Variants in ABCC4 observed in about 807,000 individuals in gnomAD.
The protein encoded by ABCC4 is ATP binding cassette subfamily C member 4 (PEL blood group).
In ABCC4, 102 loss-of-function variants were observed where a neutral mutation model predicts 168.5. That is an observed-to-expected ratio of 0.61 (90% CI 0.52 to 0.71). The LOEUF is 0.71. Ranked by LOEUF, ABCC4 falls within the 30% of genes least tolerant of loss-of-function variation. The probability of loss-of-function intolerance (pLI) is 0.00; values close to 1 mark genes in which losing one functional copy is unlikely to be tolerated. For synonymous variants in ABCC4, 617 were observed against 590.7 expected, an observed-to-expected ratio of 1.04 and a Z score of -0.65; for missense variants, 1,402 against 1,605.8, an observed-to-expected ratio of 0.87 and a Z score of 2.17.
chr13:95,076,652 A>T (rs191228382), intron 21 of ABCC4, among the ~76,000 whole-genome samples: 2 of 151,718 alleles, frequency 1.3e-5, no homozygotes, highest in African/African-American at 2.4e-5. Context: ...TTTAGTAGAG[A>T]CATGGTTTTG....
chr13:95,136,566 GTTATACTC>G (rs1436979955), intron 19 of ABCC4, among the ~76,000 whole-genome samples: 1 of 152,202 alleles, frequency 6.6e-6, no homozygotes, highest in Non-Finnish European at 1.5e-5. Flanking sequence ...AGGAGCCTAA[GTTATACTC>G]TTAAAGTTAC....
chr13:95,261,822 G>A (rs1411792105), intron 1 of ABCC4, among the ~76,000 whole-genome samples: 2 of 152,068 alleles, frequency 1.3e-5, no homozygotes, highest in African/African-American at 2.4e-5. Context: ...TTCAAGCCAG[G>A]CATGGTGGCT....
chr13:95,290,997 C>CAAAAAAAAAAAAAA lies in ABCC4; in HGVS notation c.74+10243_74+10244insTTTTTTTTTTTTTT, dbSNP rs762030761. Among the ~76,000 whole-genome samples, 268 of 36,306 alleles carry CAAAAAAAAAAAAAA rather than the reference C, an allele frequency of 7.4e-3. 16 individuals are homozygous for CAAAAAAAAAAAAAA. Among genetic ancestry groups the CAAAAAAAAAAAAAA allele is most frequent in the East Asian group, 0.035 (39 of 1,126 alleles). 23.8% of individuals were successfully genotyped at this position (36,306 alleles called of 152,430 possible). On this transcript the variant is annotated intron_variant, in intron 1 of 30. Coordinates refer to ENST00000645237, the MANE Select transcript of ABCC4 (RefSeq NM_005845.5). ...TGGGCGACAGAGCAAGACCCTGTCT[C>CAAAAAAAAAAAAAA]AAAAAAAAAAAAAGAGGAAACCATG...
intron 4 of ABCC4, among the ~76,000 whole-genome samples, chr13:95,230,398 A>G (rs571884352): frequency 6.6e-6 from 1 of 152,366 alleles, no homozygotes; most frequent in East Asian, 1.9e-4. Flanking sequence ...GAAAAACAGT[A>G]TGATGGTTCC....
At chr13:95,092,268 A>G (rs1283981995) in intron 20 of ABCC4, among the ~76,000 whole-genome samples, 1 of 152,180 alleles carries the variant, frequency 6.6e-6, no homozygotes, top group Non-Finnish European at 1.5e-5. Flanking sequence ...ACAAAAAGTC[A>G]ACAAAGAAAC....
chr13:95,071,532 C>T (rs2139307310), intron 25 of ABCC4, 130 bp downstream of exon 25: 1 of 764,684 alleles, frequency 1.3e-6, no homozygotes, highest in Non-Finnish European at 1.9e-6. Context: ...ATCCACATTC[C>T]ATGGTTAGTT....
chr13:95,238,777 C>T (rs749528792), intron 3 of ABCC4, among the ~76,000 whole-genome samples: 7 of 152,142 alleles, frequency 4.6e-5, no homozygotes, highest in Non-Finnish European at 7.4e-5. Context: ...AGGCTGGTCT[C>T]GAACTCCTGA....
In ABCC4 at chr13:95,229,195, C is replaced by A. The variant is rs72643670; in HGVS notation, c.531+5415G>T. Among the ~76,000 whole-genome samples the A allele has an allele frequency of 9.7e-3, 1,481 of 152,192 alleles. 11 individuals are homozygous for A. Among genetic ancestry groups the A allele is most frequent in the Admixed American group, 0.021 (318 of 15,292 alleles). On this transcript the variant is annotated intron_variant, in intron 4 of 30. Coordinates refer to ENST00000645237, the MANE Select transcript of ABCC4 (RefSeq NM_005845.5). The stretch of plus-strand genomic sequence containing the variant: ...TCTCAACACAGAAATCTATAGAGAG[C>A]ACCCCTCTGAGATACACTACATACA...
At chr13:95,195,164 C>A (rs2038376953) in intron 8 of ABCC4, among the ~76,000 whole-genome samples, 1 of 152,098 alleles carries the variant, frequency 6.6e-6, no homozygotes, top group African/African-American at 2.4e-5. Flanking sequence ...TAGGAACTAT[C>A]TGTGTAATTT....
At chr13:95,022,519 G>T (rs2031151281) in intron 30 of ABCC4, among the ~76,000 whole-genome samples, 1 of 152,144 alleles carries the variant, frequency 6.6e-6, no homozygotes, top group Non-Finnish European at 1.5e-5. Context: ...ATAACAAAAT[G>T]AAATAATGTC....
chr13:95,158,760 G>A (rs2036965700), intron 19 of ABCC4, among the ~76,000 whole-genome samples: 1 of 151,982 alleles, frequency 6.6e-6, no homozygotes, highest in Non-Finnish European at 1.5e-5. Context: ...CTATCATAGA[G>A]GGGAATTTTT....
chr13:95,074,510 G>C (rs747831557), intron 22 of ABCC4, among the ~76,000 whole-genome samples, 186 bp from the exon 23 acceptor site: 3 of 152,132 alleles, frequency 2.0e-5, no homozygotes, highest in Non-Finnish European at 4.4e-5. Flanking sequence ...CAATGGTACC[G>C]TGGCTTTCTG....
At chr13:95,130,294 A>C (rs554992849) in intron 19 of ABCC4, among the ~76,000 whole-genome samples, 1 of 152,318 alleles carries the variant, frequency 6.6e-6, no homozygotes, top group Admixed American at 6.5e-5. Context: ...ACTATGAACC[A>C]AAAACTGGAA....
intron 24 of ABCC4, 37 bp downstream of exon 24, chr13:95,073,167 A>G (rs377095942): frequency 1.3e-6 from 2 of 1,512,332 alleles, no homozygotes; most frequent in African/African-American, 1.4e-5. Flanking sequence ...AATGGCAAGG[A>G]GATTGAAAAG....
rs2041243521 is a variant in ABCC4 at position 95,285,868 on chromosome 13, G to A, written c.74+15373C>T. Among the ~76,000 whole-genome samples, 3 of 152,152 alleles carry A rather than the reference G, an allele frequency of 2.0e-5. No homozygotes were observed. In the South Asian group the frequency reaches 6.2e-4, roughly 32 times the overall value. Reference sequence around the variant, plus strand: ...ACAGAAAGCAGCAGAGCTATGCCTTGTAAAGATAAAGCCTGCAGTGTATTG... The same window carrying A: ...ACAGAAAGCAGCAGAGCTATGCCTTATAAAGATAAAGCCTGCAGTGTATTG... On this transcript the variant is annotated intron_variant, in intron 1 of 30. Coordinates refer to ENST00000645237, the MANE Select transcript of ABCC4 (RefSeq NM_005845.5).
chr13:95,164,344 A>G, intron 16 of ABCC4, 34 bp downstream of exon 16: 1 of 1,612,642 alleles, frequency 6.2e-7, no homozygotes, highest in Middle Eastern at 1.7e-4. Context: ...TGTAAATATC[A>G]TTTTGAGGGC....
intron 20 of ABCC4, among the ~76,000 whole-genome samples, chr13:95,092,157 A>G (rs531079129): frequency 6.6e-6 from 1 of 152,300 alleles, no homozygotes; most frequent in Admixed American, 6.5e-5. Context: ...TCTCAAATTT[A>G]TAAAACAATT....
At chr13:95,165,117 T>A (rs1402493116) in intron 15 of ABCC4, among the ~76,000 whole-genome samples, 1 of 152,184 alleles carries the variant, frequency 6.6e-6, no homozygotes, top group Admixed American at 6.5e-5. Flanking sequence ...GTTCAGCACT[T>A]ACCTAGCACA....
intron 11 of ABCC4, among the ~76,000 whole-genome samples, chr13:95,178,950 A>G (rs751283497): frequency 3.6e-4 from 55 of 152,184 alleles, no homozygotes; most frequent in Non-Finnish European, 7.1e-4. Flanking sequence ...GGAGGACTGC[A>G]TTGGTTTTGG....
Sources: allele counts gnomAD v4.1 joint callset (sites outside exome capture counted in the v4.1 genomes callset), GRCh38; gene constraint gnomAD v4.1.1; transcripts MANE v1.5; gene names NCBI Gene and HGNC (gene_info 2026-07-23, HGNC 2026-07-21).